Variants in LARP4 observed in about 807,000 individuals in gnomAD.
The protein encoded by LARP4 is La ribonucleoprotein 4, also known as la-related protein 4.
In LARP4, 29 loss-of-function variants were observed where a neutral mutation model predicts 92.9. The observed-to-expected ratio is 0.31, with a 90% CI of 0.23 to 0.43. LARP4 has a LOEUF of 0.43. Ranked by LOEUF, LARP4 falls within the 20% of genes least tolerant of loss-of-function variation. The pLI is 1.00. For synonymous variants in LARP4, 279 were observed against 284.1 expected (o/e 0.98, Z 0.18); for missense variants, 732 against 860.0 (o/e 0.85, Z 1.86).
chr12:50,459,979 A>C (rs970840370), intron 10 of LARP4, among the ~76,000 whole-genome samples: 2 of 151,790 alleles, frequency 1.3e-5, no homozygotes, highest in African/African-American at 4.8e-5. Context: ...TCTACTGAAA[A>C]TACAAAATTA....
At position 50,473,499 on chromosome 12, in the gene LARP4, A is replaced by G. The variant is rs746932732; in HGVS notation, c.1630A>G (p.Thr544Ala). The G allele has an allele frequency of 6.2e-7, 1 of 1,613,450 alleles. No homozygotes were observed. The highest frequency in any genetic ancestry group is 1.1e-5 in the South Asian group (1 of 91,062). The change falls in exon 14 of 16, where the codon ACC becomes GCC. Residue 544 changes from threonine to alanine, a missense_variant. Physicochemically the swap from Thr to Ala is moderately conservative, Grantham distance 58. Around this residue, in one of 7 missense-constraint regions of LARP4, gnomAD observed 97 missense variants for 85.9 expected, o/e 1.13. Coordinates refer to ENST00000398473, the MANE Select transcript of LARP4 (RefSeq NM_052879.5). Reference protein sequence around the residue: ...CTSAQQLNMSTSSPCAAELTA... With the variant: ...CTSAQQLNMSASSPCAAELTA... ...TTCTGCCCAGCAACTCAATATGAGTACCAGTTCTCCATGTGCTGCTGAGCT... is the reference window on the plus strand; with the variant it reads ...TTCTGCCCAGCAACTCAATATGAGTGCCAGTTCTCCATGTGCTGCTGAGCT...
intron 10 of LARP4, among the ~76,000 whole-genome samples, chr12:50,459,230 C>T (rs1954882431): frequency 6.6e-6 from 1 of 152,082 alleles, no homozygotes; most frequent in South Asian, 2.1e-4. Context: ...AACTCCTGAC[C>T]TCAGGTGATC....
intron 13 of LARP4, among the ~76,000 whole-genome samples, chr12:50,469,370 C>T (rs977804336): frequency 4.0e-5 from 6 of 150,744 alleles, no homozygotes; most frequent in Admixed American, 2.6e-4. Context: ...TTTGGGAGGC[C>T]GAGGCAGGCA....
At chr12:50,411,801 GT>G (rs1488114117) in intron 1 of LARP4, among the ~76,000 whole-genome samples, 1 of 151,572 alleles carries the variant, frequency 6.6e-6, no homozygotes, top group African/African-American at 2.4e-5. Context: ...CTGCCTCAGC[GT>G]CCCGAGTAGC....
intron 2 of LARP4, among the ~76,000 whole-genome samples, chr12:50,428,584 C>T (rs1388655714): frequency 6.6e-6 from 1 of 152,108 alleles, no homozygotes; most frequent in Non-Finnish European, 1.5e-5. Flanking sequence ...CACTGTTCGA[C>T]CTTGGGCAAA....
At chr12:50,423,751 ATTT>A (rs35992539) in intron 1 of LARP4, among the ~76,000 whole-genome samples, 4 of 130,682 alleles carry the variant, frequency 3.1e-5, no homozygotes, top group Non-Finnish European at 5.0e-5. Context: ...CCGGCCTGTA[ATTT>A]TTTTTTTTTT....
chr12:50,416,048 C>A (rs56671180), intron 1 of LARP4, among the ~76,000 whole-genome samples: 16,520 of 152,074 alleles, frequency 0.11, 1,769 homozygotes, highest in East Asian at 0.45. Flanking sequence ...TACAGACACA[C>A]TCAGATGACT....
chr12:50,441,588 A>G lies in LARP4; in HGVS notation c.751-2A>G. On this transcript the variant is annotated splice_acceptor_variant, in intron 7 of 15. Coordinates refer to ENST00000398473, the MANE Select transcript of LARP4 (RefSeq NM_052879.5). LOFTEE classifies it high-confidence loss of function. Reference sequence around the variant, plus strand: ...AAAGTTTTTTTTGTGCTTTGTTAACAGGCTTTTAAATACTTAAGAGAAGAA... The same window carrying G: ...AAAGTTTTTTTTGTGCTTTGTTAACGGGCTTTTAAATACTTAAGAGAAGAA... The G allele has an allele frequency of 6.3e-7, 1 of 1,585,554 alleles. No homozygotes were observed. The highest frequency in any genetic ancestry group is 8.6e-7 in the Non-Finnish European group (1 of 1,167,738).
At chr12:50,457,201 C>CTTTTTT (rs780762988) in intron 10 of LARP4, among the ~76,000 whole-genome samples, 2 of 119,280 alleles carry the variant, frequency 1.7e-5, no homozygotes, top group Non-Finnish European at 3.3e-5. Flanking sequence ...CATACCCGGC[C>CTTTTTT]TTTTTTTTTT....
At chr12:50,422,544 T>C (rs529966861) in intron 1 of LARP4, among the ~76,000 whole-genome samples, 1 of 152,224 alleles carries the variant, frequency 6.6e-6, no homozygotes, top group Admixed American at 6.5e-5. Flanking sequence ...CTTTGTGATA[T>C]TAGTATCCAT....
intron 1 of LARP4, among the ~76,000 whole-genome samples, chr12:50,409,420 A>G (rs1259452898): frequency 6.6e-6 from 1 of 152,164 alleles, no homozygotes; most frequent in Admixed American, 6.6e-5. Flanking sequence ...CTGTAATACT[A>G]GCACTTAGGG....
chr12:50,449,324 A>C (rs1268218187), intron 8 of LARP4, among the ~76,000 whole-genome samples: 1 of 152,216 alleles, frequency 6.6e-6, no homozygotes, highest in East Asian at 1.9e-4. Flanking sequence ...GTTTATGGGT[A>C]AGATAATCAT....
At position 50,472,133 on chromosome 12, in the gene LARP4, G is replaced by A. The variant is rs1217856986; in HGVS notation, c.1546-1282G>A. On this transcript the variant is annotated intron_variant, in intron 13 of 15. Transcript: ENST00000398473. ...TGTTGAAATTTTTATTTTATCCATC[G>A]GTTTTAATTTCTAGGGCTCTTTTCT... 3.9e-5 allele frequency among the ~76,000 whole-genome samples: 6 copies of A among 151,952 alleles called. No individual in the cohort carries two copies. The East Asian group carries it at 9.6e-4, about 24-fold the overall frequency.
chr12:50,476,657 A>G lies in LARP4; in HGVS notation c.*793A>G, dbSNP rs1352782409. 1 of 148,050 alleles carries G rather than the reference A, an allele frequency of 6.8e-6. No homozygotes were observed. The highest frequency in any genetic ancestry group is 7.0e-5 in the Admixed American group (1 of 14,384). The allele number at this position is 148,050 out of a possible 1,614,324, so 9.2% of individuals were successfully genotyped here. A position where few individuals can be genotyped will look rare whatever the true frequency, so the allele number is the denominator to read the frequency against. The stretch of plus-strand genomic sequence containing the variant: ...GGACCTCAGTGCATAGGTCAAATGG[A>G]TTTCAGAGGTTTAAACTTCCCTGTG... On this transcript the variant is annotated 3_prime_UTR_variant, in exon 16 of 16. Transcript: ENST00000398473.
chr12:50,434,466 T>G (rs896601313), intron 4 of LARP4, among the ~76,000 whole-genome samples: 14 of 151,040 alleles, frequency 9.3e-5, no homozygotes, highest in African/African-American at 3.2e-4. Context: ...TTGCCCCAAC[T>G]GGAGTGCAGT....
At chr12:50,427,027 C>T (rs941472519) in intron 1 of LARP4, among the ~76,000 whole-genome samples, 4 of 152,020 alleles carry the variant, frequency 2.6e-5, no homozygotes, top group Non-Finnish European at 4.4e-5. Flanking sequence ...AATGAACCAT[C>T]GTGCCCTGCC....
intron 6 of LARP4, among the ~76,000 whole-genome samples, chr12:50,439,914 G>T (rs1158369702): frequency 6.6e-6 from 1 of 152,140 alleles, no homozygotes; most frequent in Non-Finnish European, 1.5e-5. Context: ...GAGAAGATAT[G>T]TTTGCACATT....
chr12:50,426,687 GTGTGTGTGTGTGTGT>G lies in LARP4; in HGVS notation c.19-1074_19-1060del, dbSNP rs1948777793. Among the ~76,000 whole-genome samples, 20 of 81,048 alleles carry G rather than the reference GTGTGTGTGTGTGTGT, an allele frequency of 2.5e-4. 1 individual carries two copies. Among genetic ancestry groups the G allele is most frequent in the African/African-American group, 9.1e-4 (20 of 22,094 alleles). The allele number at this position is 81,048 out of a possible 152,430, so 53.2% of individuals were successfully genotyped here. The stretch of plus-strand genomic sequence containing the variant: ...TGGAACAGGGCATTATGTTTGGGGT[GTGTGTGTGTGTGTGT>G]GTGTGTGTGTGTGTGTGTGTGTGTG... On this transcript the variant is annotated intron_variant, in intron 1 of 15. Transcript: ENST00000398473.
intron 1 of LARP4, among the ~76,000 whole-genome samples, chr12:50,404,843 C>T (rs754358026): frequency 2.6e-5 from 4 of 151,990 alleles, no homozygotes; most frequent in Non-Finnish European, 5.9e-5. Flanking sequence ...GCGCATGCCA[C>T]CACGCCCAAC....
Sources: allele counts gnomAD v4.1 joint callset (sites outside exome capture counted in the v4.1 genomes callset), GRCh38; gene constraint gnomAD v4.1.1; regional missense constraint gnomAD v4.1.1; transcripts MANE v1.5; gene names NCBI Gene and HGNC (gene_info 2026-07-23, HGNC 2026-07-21).